FRMD4A: variants seen among roughly 807,000 people sequenced by gnomAD.
The protein encoded by FRMD4A is FERM domain containing 4A, also known as FERM domain-containing protein 4A.
FRMD4A carries 29 observed loss-of-function variants against 129.1 expected under a neutral mutation model. That is an observed-to-expected ratio of 0.22 (90% CI 0.17 to 0.31). The LOEUF (loss-of-function observed/expected upper bound fraction) is 0.31. Among genes scored for constraint, FRMD4A ranks in the 10% least tolerant of loss-of-function variants. FRMD4A has a pLI of 1.00. For missense variants in FRMD4A, 1,272 were observed against 1,375.8 expected, an observed-to-expected ratio of 0.92 and a Z score of 1.19; for synonymous variants, 634 against 571.6, an observed-to-expected ratio of 1.11 and a Z score of -1.56.
chr10:13,957,233 T>C (rs1328014243), intron 2 of FRMD4A, among the ~76,000 whole-genome samples: 1 of 152,180 alleles, frequency 6.6e-6, no homozygotes, highest in African/African-American at 2.4e-5. Flanking sequence ...TGCCAGTGTT[T>C]ATGTTTCTGC....
At chr10:14,182,417 C>G (rs1048050870) in intron 2 of FRMD4A, among the ~76,000 whole-genome samples, 1 of 152,168 alleles carries the variant, frequency 6.6e-6, no homozygotes, top group Non-Finnish European at 1.5e-5. Flanking sequence ...CAAGGTGGCA[C>G]ATGCCTATAG....
At chr10:14,319,112 A>G (rs1846868083) in intron 2 of FRMD4A, among the ~76,000 whole-genome samples, 1 of 152,300 alleles carries the variant, frequency 6.6e-6, no homozygotes, top group East Asian at 1.9e-4. Context: ...CTACCCATAC[A>G]TATGAGTGAA....
chr10:13,711,608 G>C (rs956791669), intron 12 of FRMD4A, among the ~76,000 whole-genome samples: 1 of 152,220 alleles, frequency 6.6e-6, no homozygotes, highest in Non-Finnish European at 1.5e-5. Context: ...TATATCCAAG[G>C]AGCTAATTAA....
chr10:14,014,985 A>ATCCCTCCCT (rs2095693734), intron 2 of FRMD4A, among the ~76,000 whole-genome samples: 4 of 21,486 alleles, frequency 1.9e-4, no homozygotes, highest in East Asian at 1.4e-3. Context: ...CCTTCCTTTC[A>ATCCCTCCCT]TCCTTTCTTA....
intron 8 of FRMD4A, among the ~76,000 whole-genome samples, chr10:13,756,794 A>G (rs1474923695): frequency 2.0e-5 from 3 of 152,240 alleles, no homozygotes; most frequent in African/African-American, 7.2e-5. Flanking sequence ...GGTCCCTTAT[A>G]GACAAAAACC....
intron 2 of FRMD4A, among the ~76,000 whole-genome samples, chr10:13,953,639 T>C (rs1279894307): frequency 1.3e-5 from 2 of 152,190 alleles, no homozygotes; most frequent in African/African-American, 4.8e-5. Flanking sequence ...ATAGTACTTA[T>C]ATTCAAGTCA....
intron 4 of FRMD4A, among the ~76,000 whole-genome samples, chr10:13,799,148 TGAC>T (rs2093195326): frequency 6.6e-6 from 1 of 152,200 alleles, no homozygotes; most frequent in Non-Finnish European, 1.5e-5. Flanking sequence ...TTTCCCCAGC[TGAC>T]TTTTTAAAAT....
intron 2 of FRMD4A, among the ~76,000 whole-genome samples, chr10:14,051,783 G>A (rs1834271466): frequency 2.0e-5 from 3 of 152,208 alleles, no homozygotes; most frequent in East Asian, 1.9e-4. Flanking sequence ...TGCAGTAAGC[G>A]TCTCTTCAGG....
At chr10:14,144,178 T>G (rs949962494) in intron 2 of FRMD4A, among the ~76,000 whole-genome samples, 2 of 152,124 alleles carry the variant, frequency 1.3e-5, no homozygotes, top group East Asian at 1.9e-4. Context: ...CCTTCAAAAC[T>G]TTTTCCTTGA....
chr10:13,875,126 G>A (rs555062910), intron 2 of FRMD4A, among the ~76,000 whole-genome samples: 1 of 152,318 alleles, frequency 6.6e-6, no homozygotes, highest in East Asian at 1.9e-4. Flanking sequence ...CCCAGGCAAA[G>A]AGCTGAAGGA....
chr10:13,801,460 G>A (rs2093252924), intron 4 of FRMD4A, among the ~76,000 whole-genome samples: 1 of 152,220 alleles, frequency 6.6e-6, no homozygotes, highest in Admixed American at 6.5e-5. Flanking sequence ...AGTGGCTAAT[G>A]GAGAGGCAGA....
chr10:14,312,970 A>G (rs1235873119), intron 2 of FRMD4A, among the ~76,000 whole-genome samples: 3 of 152,244 alleles, frequency 2.0e-5, no homozygotes, highest in Non-Finnish European at 4.4e-5. Context: ...ACAAGAAACT[A>G]AAGTATTAAG....
chr10:14,294,632 G>T (rs1408755162), intron 2 of FRMD4A, among the ~76,000 whole-genome samples: 5 of 152,118 alleles, frequency 3.3e-5, no homozygotes, highest in African/African-American at 9.7e-5. Context: ...AGACATAAAG[G>T]CGTTTTCTCT....
chr10:14,267,914 G>A (rs1045905497), intron 2 of FRMD4A, among the ~76,000 whole-genome samples: 1 of 152,140 alleles, frequency 6.6e-6, no homozygotes, highest in Middle Eastern at 3.2e-3. Context: ...ACAAATGTTA[G>A]AATACAGCCT....
chr10:13,687,868 G>C (rs1411668290), intron 15 of FRMD4A, among the ~76,000 whole-genome samples: 1 of 152,150 alleles, frequency 6.6e-6, no homozygotes, highest in East Asian at 1.9e-4. Flanking sequence ...GTGCTGCATG[G>C]GGAGGTGAGA....
chr10:14,067,295 G>A (rs1020355038), intron 2 of FRMD4A, among the ~76,000 whole-genome samples: 3 of 151,408 alleles, frequency 2.0e-5, no homozygotes, highest in Non-Finnish European at 4.4e-5. Flanking sequence ...CAGCCTGGGC[G>A]ACAGAGAGAG....
At chr10:13,714,274 G>T (rs1323996949) in intron 12 of FRMD4A, among the ~76,000 whole-genome samples, 1 of 150,732 alleles carries the variant, frequency 6.6e-6, no homozygotes, top group Admixed American at 6.7e-5. Flanking sequence ...TGTTGGCCAG[G>T]CTGGTCTCGA....
intron 2 of FRMD4A, among the ~76,000 whole-genome samples, chr10:14,212,940 C>T (rs1842972198): frequency 6.6e-6 from 1 of 152,162 alleles, no homozygotes; most frequent in South Asian, 2.1e-4. Flanking sequence ...ATGCTGGGTT[C>T]AGAAATGTAG....
intron 2 of FRMD4A, among the ~76,000 whole-genome samples, chr10:13,905,144 C>A (rs1466605122): frequency 6.6e-6 from 1 of 152,090 alleles, no homozygotes; most frequent in Non-Finnish European, 1.5e-5. Flanking sequence ...GCAACACTGG[C>A]CCCAACAATA....
Sources: allele counts gnomAD v4.1 joint callset (sites outside exome capture counted in the v4.1 genomes callset), GRCh38; gene constraint gnomAD v4.1.1; transcripts MANE v1.5; gene names NCBI Gene and HGNC (gene_info 2026-07-23, HGNC 2026-07-21).